The following FRMPD2 variants were observed in gnomAD, a reference collection of about 807,000 sequenced individuals.
FRMPD2 encodes FERM and PDZ domain-containing protein 2.
In FRMPD2, 96 loss-of-function variants were observed where a neutral mutation model predicts 140.1. The ratio of observed to expected loss-of-function variants is 0.69; its 90% CI spans 0.58 to 0.81. The LOEUF is 0.81. Among genes scored for constraint, FRMPD2 ranks in the 40% least tolerant of loss-of-function variants. The probability of loss-of-function intolerance (pLI) is 0.00; values close to 1 mark genes in which losing one functional copy is unlikely to be tolerated. For missense variants in FRMPD2, 1,240 were observed against 1,447.4 expected (o/e 0.86, Z 2.32); for synonymous variants, 449 against 547.6 (o/e 0.82, Z 2.52).
intron 21 of FRMPD2, among the ~76,000 whole-genome samples, chr10:48,179,469 T>C (rs1838489098): frequency 6.6e-6 from 1 of 151,274 alleles, no homozygotes; most frequent in South Asian, 2.1e-4. Flanking sequence ...GCTGAGTTCC[T>C]CCCACCTTAC....
intron 22 of FRMPD2, 30 bp downstream of exon 22, chr10:48,178,017 T>C (rs781880051): frequency 3.2e-6 from 4 of 1,231,974 alleles, no homozygotes; most frequent in Non-Finnish European, 4.8e-6. Context: ...TCTTGTTAAC[T>C]GCTTTTCAAG....
At chr10:48,231,037 T>C (rs1243870932) in intron 10 of FRMPD2, among the ~76,000 whole-genome samples, 2 of 152,210 alleles carry the variant, frequency 1.3e-5, no homozygotes, top group Non-Finnish European at 2.9e-5. Context: ...AGCTGAAAGA[T>C]GTTTTTACAT....
intron 1 of FRMPD2, among the ~76,000 whole-genome samples, chr10:48,256,752 G>A (rs960091259): frequency 6.6e-6 from 1 of 152,184 alleles, no homozygotes; most frequent in African/African-American, 2.4e-5. Flanking sequence ...GGCCTCGTGG[G>A]TCAGGGGACC....
At chr10:48,233,766 G>T (rs1839905956) in intron 9 of FRMPD2, among the ~76,000 whole-genome samples, 1 of 152,044 alleles carries the variant, frequency 6.6e-6, no homozygotes, top group South Asian at 2.1e-4. Context: ...CCCATGCCTT[G>T]CCCAGCCTCC....
intron 16 of FRMPD2, 122 bp from the exon 17 acceptor site, chr10:48,187,414 G>A: frequency 1.5e-5 from 11 of 727,378 alleles, no homozygotes; most frequent in South Asian, 8.7e-5. Flanking sequence ...GGCCCGGGGA[G>A]GGCAGCCTTG....
At chr10:48,230,285 T>A (rs1295701676) in intron 10 of FRMPD2, among the ~76,000 whole-genome samples, 2 of 152,344 alleles carry the variant, frequency 1.3e-5, no homozygotes, top group East Asian at 3.8e-4. Context: ...AATATAGTTA[T>A]TTATATAAGT....
In FRMPD2 at chr10:48,258,288, G is replaced by A. The variant is rs1045188717; in HGVS notation, c.26-6597C>T. Among the ~76,000 whole-genome samples the A allele has an allele frequency of 2.0e-5, 3 of 152,342 alleles. No individual in the cohort carries two copies. The South Asian group carries it at 6.2e-4, about 32-fold the overall frequency. On this transcript the variant is annotated intron_variant, in intron 1 of 28. Transcript: ENST00000374201. ...TAGTTAAAGAGTTAAAGGTGTCAAG[G>A]CTCTTATCTTCTGGAATTCTCTCAC...
At chr10:48,263,967 C>T (rs1588861309) in intron 1 of FRMPD2, among the ~76,000 whole-genome samples, 1 of 152,042 alleles carries the variant, frequency 6.6e-6, no homozygotes, top group East Asian at 1.9e-4. Context: ...AAATTTAATT[C>T]AGGTATGCAA....
At chr10:48,246,579 A>C (rs1840254516) in intron 3 of FRMPD2, among the ~76,000 whole-genome samples, 1 of 152,176 alleles carries the variant, frequency 6.6e-6, no homozygotes, top group South Asian at 2.1e-4. Context: ...ACCTGCCCAC[A>C]CCTTCCACCT....
At chr10:48,182,321 T>A (rs546236932) in intron 20 of FRMPD2, among the ~76,000 whole-genome samples, 1 of 152,278 alleles carries the variant, frequency 6.6e-6, no homozygotes, top group South Asian at 2.1e-4. Flanking sequence ...AGGATGGGAC[T>A]TACGATTGAA....
At chr10:48,232,342 T>A in intron 9 of FRMPD2, 53 bp from the exon 10 acceptor site, 2 of 1,352,470 alleles carry the variant, frequency 1.5e-6, no homozygotes, top group South Asian at 1.4e-5. Flanking sequence ...ATTGAGCCTT[T>A]AGTGTGTGCT....
chr10:48,244,728 A>G (rs997544544), intron 4 of FRMPD2, 56 bp downstream of exon 4: 6 of 1,364,348 alleles, frequency 4.4e-6, no homozygotes, highest in Non-Finnish European at 5.2e-6. Flanking sequence ...GGAGAAAACC[A>G]CTAAATAAAC....
intron 1 of FRMPD2, among the ~76,000 whole-genome samples, chr10:48,253,666 T>G (rs1262321031): frequency 6.6e-6 from 1 of 152,050 alleles, no homozygotes; most frequent in South Asian, 2.1e-4. Context: ...TTGTGCAAAT[T>G]TGTTGCTAGC....
intron 16 of FRMPD2, among the ~76,000 whole-genome samples, chr10:48,191,281 T>C (rs1588818479): frequency 2.0e-5 from 3 of 152,296 alleles, no homozygotes; most frequent in East Asian, 1.9e-4. Flanking sequence ...GTGAACAAAG[T>C]CGTCTTGCGT....
At chr10:48,249,212 A>G in intron 2 of FRMPD2, 34 bp from the exon 3 acceptor site, 1 of 1,603,986 alleles carries the variant, frequency 6.2e-7, no homozygotes, top group South Asian at 1.1e-5. Context: ...CTGTAGAGAC[A>G]GAGCTTCCAT....
At chr10:48,187,667 T>C (rs555799687) in intron 16 of FRMPD2, among the ~76,000 whole-genome samples, 64 of 152,296 alleles carry the variant, frequency 4.2e-4, no homozygotes, top group African/African-American at 1.5e-3. Context: ...TGAAATGAGA[T>C]AGTAAGTGTC....
chr10:48,256,986 C>A (rs1283512382), intron 1 of FRMPD2, among the ~76,000 whole-genome samples: 1 of 152,142 alleles, frequency 6.6e-6, no homozygotes, highest in Non-Finnish European at 1.5e-5. Context: ...AACAAGAAAT[C>A]CAAAATCAGT....
At chr10:48,232,944 A>C (rs79035360) in intron 9 of FRMPD2, among the ~76,000 whole-genome samples, 2,989 of 152,072 alleles carry the variant, frequency 0.02, 94 homozygotes, top group African/African-American at 0.066. Context: ...CACCTGGGCC[A>C]TTCTGTCTGT....
Position 48,187,211 on chromosome 10 carries a change from A to T in FRMPD2, c.2247T>A (p.Pro749=), listed in dbSNP as rs1053079016. 1.9e-6 allele frequency: 3 copies of T among 1,613,392 alleles called. No homozygotes were observed. The highest frequency in any genetic ancestry group is 2.5e-6 in the Non-Finnish European group (3 of 1,179,380). The change falls in exon 17 of 29, where the codon CCT becomes CCA. Residue 749 remains proline (P), a synonymous_variant. Transcript: ENST00000374201. The stretch of plus-strand genomic sequence containing the variant: ...CCATACCTGCATGCATGCTCTGAAC[A>T]GGTGGTCCAGAGAGAGAGTCCCAGG... ...PMTWDSLSGP[P]VQSMHAGSKN...
Sources: allele counts gnomAD v4.1 joint callset (sites outside exome capture counted in the v4.1 genomes callset), GRCh38; gene constraint gnomAD v4.1.1; transcripts MANE v1.5; gene names NCBI Gene and HGNC (gene_info 2026-07-23, HGNC 2026-07-21).